The following KIRREL1 variants were observed in gnomAD, a reference collection of about 807,000 sequenced individuals.
KIRREL1 encodes the protein kirre like nephrin family adhesion molecule 1.
In KIRREL1, 25 loss-of-function variants were observed where a neutral mutation model predicts 83.3. The observed-to-expected ratio is 0.30, with a 90% CI of 0.22 to 0.42. The LOEUF (loss-of-function observed/expected upper bound fraction) is 0.42, where lower values mean the gene tolerates loss of function less well. Among genes scored for constraint, KIRREL1 ranks in the 10% least tolerant of loss-of-function variants. The probability of loss-of-function intolerance (pLI) is 1.00; values close to 1 mark genes in which losing one functional copy is unlikely to be tolerated. For missense variants in KIRREL1, 812 were observed against 1,032.3 expected (o/e 0.79, Z 2.92); for synonymous variants, 388 against 410.4 (o/e 0.95, Z 0.66).
chr1:158,008,522 C>A (rs978115751), intron 1 of KIRREL1, among the ~76,000 whole-genome samples: 1 of 152,046 alleles, frequency 6.6e-6, no homozygotes, highest in South Asian at 2.1e-4. Context: ...AGTCGAGAAT[C>A]GCTGTGATAG....
intron 10 of KIRREL1, among the ~76,000 whole-genome samples, chr1:158,091,050 C>T (rs1662181980): frequency 6.6e-6 from 1 of 152,198 alleles, no homozygotes; most frequent in Non-Finnish European, 1.5e-5. Flanking sequence ...TAGAGATTCT[C>T]CTCCTCCCTG....
At chr1:158,018,329 G>A (rs927700) in intron 1 of KIRREL1, among the ~76,000 whole-genome samples, 141,744 of 152,162 alleles carry the variant, frequency 0.93, 66,331 homozygotes, top group East Asian at 1. Context: ...AATGAAGCAG[G>A]GAGTAGGCAG....
intron 1 of KIRREL1, among the ~76,000 whole-genome samples, chr1:158,035,704 C>G (rs949459349): frequency 6.6e-6 from 1 of 151,958 alleles, no homozygotes; most frequent in Non-Finnish European, 1.5e-5. Flanking sequence ...TTTTTTTTAC[C>G]AGTCCATGAT....
At chr1:158,091,683 CA>C (rs1220842393) in intron 11 of KIRREL1, 127 bp downstream of exon 11, 2 of 861,078 alleles carry the variant, frequency 2.3e-6, no homozygotes, top group East Asian at 2.6e-5. Flanking sequence ...AGGGGACACA[CA>C]GAGGGATGTC....
Position 158,082,002 on chromosome 1 carries a change from A to C in KIRREL1, c.353-2420A>C, listed in dbSNP as rs59144928. On this transcript the variant is annotated intron_variant, in intron 3 of 14. Coordinates refer to ENST00000359209, the MANE Select transcript of KIRREL1 (RefSeq NM_018240.7). Reference sequence around the variant, plus strand: ...GACTTTAGAGGGGCCTGAGCAGACCAGGAGGCCCTGAGCAGCAGCTCTTTA... The same window carrying C: ...GACTTTAGAGGGGCCTGAGCAGACCCGGAGGCCCTGAGCAGCAGCTCTTTA... Among the ~76,000 whole-genome samples, 6 of 152,308 alleles carry C rather than the reference A, an allele frequency of 3.9e-5. No individual in the cohort carries two copies. In the East Asian group the frequency reaches 1.2e-3, roughly 29 times the overall value.
At chr1:158,061,450 A>G (rs1404730588) in intron 1 of KIRREL1, among the ~76,000 whole-genome samples, 1 of 152,176 alleles carries the variant, frequency 6.6e-6, no homozygotes, top group Non-Finnish European at 1.5e-5. Flanking sequence ...AGACTCAGAG[A>G]TGGAGTGAAA....
At chr1:158,007,909 G>T (rs558132926) in intron 1 of KIRREL1, among the ~76,000 whole-genome samples, 1 of 151,974 alleles carries the variant, frequency 6.6e-6, no homozygotes, top group South Asian at 2.1e-4. Flanking sequence ...AGTGAAGTGC[G>T]CCCTGCTCCT....
At position 158,078,375 on chromosome 1, in the gene KIRREL1, A is replaced by T. The variant is rs568777915; in HGVS notation, c.352+235A>T. ...GCCCAGCATCCTCTCTGCCGCAGCC[A>T]GTGCCTCGGCCACTCAGGGACAGGG... On this transcript the variant is annotated intron_variant, in intron 3 of 14. Transcript: ENST00000359209. Among the ~76,000 whole-genome samples the T allele has an allele frequency of 6.8e-3, 1,037 of 152,330 alleles. 9 individuals carry two copies. The highest frequency in any genetic ancestry group is 0.011 in the South Asian group (54 of 4,826).
At chr1:158,030,188 T>G (rs1209696277) in intron 1 of KIRREL1, among the ~76,000 whole-genome samples, 1 of 152,192 alleles carries the variant, frequency 6.6e-6, no homozygotes, top group Non-Finnish European at 1.5e-5. Flanking sequence ...CTTGTTGTAT[T>G]TCATGTTTCA....
At chr1:158,066,926 C>T (rs1031432903) in intron 1 of KIRREL1, among the ~76,000 whole-genome samples, 2 of 152,168 alleles carry the variant, frequency 1.3e-5, no homozygotes, top group East Asian at 3.8e-4. Context: ...ATCCATCAGC[C>T]CTACCACCCC....
At chr1:158,054,167 C>A in intron 1 of KIRREL1, among the ~76,000 whole-genome samples, 1 of 124,068 alleles carries the variant, frequency 8.1e-6, no homozygotes, top group South Asian at 2.6e-4. Flanking sequence ...GAGCTGAGAT[C>A]GTGTCACTGC....
In KIRREL1 at chr1:158,091,544, C is replaced by T; in HGVS notation, c.1459C>T (p.Leu487=). The change falls in exon 11 of 15, where the codon CTG becomes TTG. Residue 487 remains leucine (L), a synonymous_variant. Transcript: ENST00000359209. ...CGGGCCAGGCACAGCCATCATCCAGCTGGAAGAGCGAGGTGACTGGTAGTG... is the reference window on the plus strand; with the variant it reads ...CGGGCCAGGCACAGCCATCATCCAGTTGGAAGAGCGAGGTGACTGGTAGTG... ...SFGPGTAIIQ[L]EEREVLPVGI... The T allele has an allele frequency of 1.2e-6, 2 of 1,614,214 alleles. No homozygotes were observed. The highest frequency in any genetic ancestry group is 1.7e-6 in the Non-Finnish European group (2 of 1,180,034).
In KIRREL1 at chr1:158,084,488, A is replaced by G. The variant is rs1271472365; in HGVS notation, c.419A>G (p.Asn140Ser). The G allele has an allele frequency of 6.4e-7, 1 of 1,551,622 alleles. No individual in the cohort carries two copies. The stretch of plus-strand genomic sequence containing the variant: ...CTACTGCAGGCAGGCACCCCCCACA[A>G]CCTCACATGCCGGGCCTTCAATGCG... ...VILLQAGTPH[N>S]LTCRAFNAKP... Residue 140 changes from asparagine (N) to serine (S), a missense_variant, in exon 4 of 15, where the codon AAC becomes AGC. This residue lies in a region of KIRREL1 where 472 missense variants were observed against 626.8 expected (regional missense o/e 0.75). Coordinates refer to ENST00000359209, the MANE Select transcript of KIRREL1 (RefSeq NM_018240.7).
intron 1 of KIRREL1, among the ~76,000 whole-genome samples, chr1:158,005,578 T>G (rs1659494015): frequency 6.6e-6 from 1 of 151,516 alleles, no homozygotes; most frequent in Non-Finnish European, 1.5e-5. Flanking sequence ...TCCTCATAAT[T>G]CATCTCTCAA....
At position 158,096,020 on chromosome 1, in the gene KIRREL1, A is replaced by G. The variant is rs115174685; in HGVS notation, c.*900A>G. ...GAGCTGGTTTGGGGAGTGGTGAGGT[A>G]GGGGTGGGGGTGCTGTAGGCTCTTT... On this transcript the variant is annotated 3_prime_UTR_variant, in exon 15 of 15. Transcript: ENST00000359209. The G allele has an allele frequency of 0.012, 1,795 of 155,944 alleles. 27 individuals carry two copies. The highest frequency in any genetic ancestry group is 0.04 in the African/African-American group (1,681 of 41,580). 9.7% of individuals were successfully genotyped at this position (155,944 alleles called of 1,614,324 possible).
intron 3 of KIRREL1, among the ~76,000 whole-genome samples, chr1:158,081,318 G>A (rs1661847996): frequency 6.6e-6 from 1 of 152,172 alleles, no homozygotes. Flanking sequence ...TACCATGAAA[G>A]GAATAATGAA....
At chr1:158,058,144 A>C (rs1272072249) in intron 1 of KIRREL1, among the ~76,000 whole-genome samples, 1 of 152,130 alleles carries the variant, frequency 6.6e-6, no homozygotes, top group East Asian at 1.9e-4. Context: ...CCAGAGTGGA[A>C]GCTCCCAGAG....
At chr1:158,092,688 G>A (rs1256872854) in intron 11 of KIRREL1, among the ~76,000 whole-genome samples, 1 of 152,110 alleles carries the variant, frequency 6.6e-6, no homozygotes, top group Non-Finnish European at 1.5e-5. Context: ...AAGGGGGTTG[G>A]GGGTGGGGAA....
chr1:158,059,700 G>C (rs868520390), intron 1 of KIRREL1, among the ~76,000 whole-genome samples: 3 of 152,144 alleles, frequency 2.0e-5, no homozygotes, highest in Non-Finnish European at 2.9e-5. Context: ...AGGCAGGGGT[G>C]GGGGCTCAGG....
Sources: gnomAD v4.1 joint callset for allele counts (sites outside exome capture counted in the v4.1 genomes callset) on GRCh38, gnomAD v4.1.1 for gene constraint, gnomAD v4.1.1 regional missense constraint, MANE v1.5 for transcripts, NCBI Gene and HGNC (gene_info 2026-07-23, HGNC 2026-07-21) for gene names.